Variants in VIT observed in about 807,000 individuals in gnomAD.
VIT encodes the protein vitrin.
In VIT, 99 loss-of-function variants were observed where a neutral mutation model predicts 78.0. The ratio of observed to expected loss-of-function variants is 1.27; its 90% CI spans 1.08 to 1.50. The LOEUF (loss-of-function observed/expected upper bound fraction) is 1.50. VIT is among the 40% of genes most tolerant of loss of function. VIT has a pLI of 0.00. For synonymous variants in VIT, 374 were observed against 334.3 expected (o/e 1.12, Z -1.29); for missense variants, 1,126 against 875.3 (o/e 1.29, Z -3.61).
At position 36,801,384 on chromosome 2, in the gene VIT, G is replaced by C. The variant is rs1188562303; in HGVS notation, c.1142G>C (p.Arg381Thr). 4 of 1,613,466 alleles carry C rather than the reference G, an allele frequency of 2.5e-6. No homozygotes were observed. Among genetic ancestry groups the C allele is most frequent in the South Asian group, 1.1e-5 (1 of 91,060 alleles). Reference sequence around the variant, plus strand: ...ACAGCCATAGAGAAAATTACTCAGAGAGGAGGACTTTCTAATGTAGGTATG... The same window carrying C: ...ACAGCCATAGAGAAAATTACTCAGACAGGAGGACTTTCTAATGTAGGTATG... ...LKTAIEKITQ[R>T]GGLSNVGRAI... The change falls in exon 13 of 16, where the codon AGA (arginine) becomes ACA (threonine). Residue 381 changes from arginine to threonine, a missense_variant. Coordinates refer to ENST00000379242, the MANE Select transcript of VIT (RefSeq NM_053276.4).
chr2:36,761,697 G>A (rs1019445877), intron 6 of VIT, among the ~76,000 whole-genome samples: 4 of 151,930 alleles, frequency 2.6e-5, no homozygotes, highest in Admixed American at 6.6e-5. Context: ...CCAAGATCAC[G>A]GCACTGCACT....
intron 9 of VIT, 141 bp from the exon 10 acceptor site, chr2:36,781,586 C>T: frequency 1.3e-6 from 1 of 769,826 alleles, no homozygotes; most frequent in Non-Finnish European, 2.1e-6. Flanking sequence ...CAGGTTGCTT[C>T]ATCCAAAATT....
chr2:36,786,136 A>G (rs933880192), intron 11 of VIT, among the ~76,000 whole-genome samples: 3 of 149,262 alleles, frequency 2.0e-5, no homozygotes, highest in African/African-American at 7.4e-5. Context: ...TCTCGGATAC[A>G]CCAGCCTAGA....
At chr2:36,736,859 A>C (rs1202843223) in intron 3 of VIT, among the ~76,000 whole-genome samples, 1 of 152,204 alleles carries the variant, frequency 6.6e-6, no homozygotes. Flanking sequence ...AATGCATTTA[A>C]TACCCTGAAA....
In VIT at chr2:36,728,821, AAAAAAAAAG is replaced by A. The variant is rs201033795; in HGVS notation, c.53-598_53-590del. 2.8e-4 allele frequency among the ~76,000 whole-genome samples: 7 copies of A among 25,114 alleles called. 2 individuals carry two copies. The highest frequency in any genetic ancestry group is 1.2e-3 in the Admixed American group (3 of 2,406). 16.5% of individuals were successfully genotyped at this position (25,114 alleles called of 152,430 possible). Reference sequence around the variant, plus strand: ...GAGCAAGACTCCGTCTCAAAAAAAAAAAAAAAAAGAAAAAAGAAAAAATATTTTTTATAA... The same window carrying A: ...GAGCAAGACTCCGTCTCAAAAAAAAAAAAAAAGAAAAAATATTTTTTATAA... On this transcript the variant is annotated intron_variant, in intron 2 of 15. Transcript: ENST00000379242.
intron 1 of VIT, among the ~76,000 whole-genome samples, chr2:36,700,310 C>A (rs1664971629): frequency 6.6e-6 from 1 of 152,144 alleles, no homozygotes; most frequent in African/African-American, 2.4e-5. Context: ...ATGTATCTCC[C>A]TGTGGTTTGC....
At chr2:36,778,544 G>C (rs972500744) in intron 9 of VIT, among the ~76,000 whole-genome samples, 5 of 152,200 alleles carry the variant, frequency 3.3e-5, no homozygotes, top group African/African-American at 1.2e-4. Context: ...AAGGCTGCCA[G>C]GTTTCCCAAA....
At chr2:36,746,642 A>G (rs1181059085) in intron 4 of VIT, among the ~76,000 whole-genome samples, 1 of 152,062 alleles carries the variant, frequency 6.6e-6, no homozygotes, top group Non-Finnish European at 1.5e-5. Flanking sequence ...GATTGGTTGC[A>G]ATGTCATCTT....
chr2:36,729,595 T>C (rs1299454327), intron 3 of VIT, 104 bp downstream of exon 3: 10 of 1,116,346 alleles, frequency 9.0e-6, no homozygotes, highest in Middle Eastern at 2.1e-4. Flanking sequence ...GGTTTTTATC[T>C]CTATGTCAAT....
chr2:36,768,172 C>T (rs1356842521), intron 7 of VIT, among the ~76,000 whole-genome samples: 1 of 152,194 alleles, frequency 6.6e-6, no homozygotes, highest in Non-Finnish European at 1.5e-5. Context: ...TGGCTCACGC[C>T]TGTAATCCCA....
At chr2:36,746,332 G>A (rs1420744172) in intron 4 of VIT, among the ~76,000 whole-genome samples, 1 of 152,102 alleles carries the variant, frequency 6.6e-6, no homozygotes, top group Non-Finnish European at 1.5e-5. Flanking sequence ...AAATGAGTTA[G>A]GGAGGATTCC....
rs532715279 is a variant in VIT at position 36,809,028 on chromosome 2, C to G, written c.1903+43C>G. ...AGCAGCCTGGTGCTGAGGCTGCTTT[C>G]TGGGGCTTGGTGGGCCAGTGGGACA... On this transcript the variant is annotated intron_variant, in intron 15 of 15. Coordinates refer to ENST00000379242, the MANE Select transcript of VIT (RefSeq NM_053276.4). 11 of 1,525,584 alleles carry G rather than the reference C, an allele frequency of 7.2e-6. No individual in the cohort carries two copies. In the South Asian group the frequency reaches 1.3e-4, roughly 18 times the overall value. 94.5% of individuals were successfully genotyped at this position (1,525,584 alleles called of 1,614,324 possible).
At chr2:36,814,049 T>C in intron 15 of VIT, 134 bp from the exon 16 acceptor site, 1 of 1,013,760 alleles carries the variant, frequency 9.9e-7, no homozygotes, top group Non-Finnish European at 1.4e-6. Flanking sequence ...CTGTAGCGTA[T>C]TTTTGGTTTT....
At chr2:36,774,455 G>A (rs918013945) in intron 8 of VIT, 12 of 965,922 alleles carry the variant, frequency 1.2e-5, no homozygotes, top group South Asian at 9.6e-5. Context: ...CTCACAGCCC[G>A]GTCTATGAGC....
chr2:36,739,026 T>C (rs1157371518), intron 3 of VIT, among the ~76,000 whole-genome samples: 1 of 152,214 alleles, frequency 6.6e-6, no homozygotes, highest in Non-Finnish European at 1.5e-5. Flanking sequence ...ATTAATGATA[T>C]TTTTATTTCA....
At chr2:36,717,414 CACCGTGTGAGACAGGGT>C (rs1666232808) in intron 2 of VIT, among the ~76,000 whole-genome samples, 4 of 45,680 alleles carry the variant, frequency 8.8e-5, no homozygotes, top group African/African-American at 1.6e-4. Context: ...GATGGGGTTT[CACCGTGTGAGACAGGGT>C]TTCACCGTGT....
intron 12 of VIT, among the ~76,000 whole-genome samples, chr2:36,793,436 G>C (rs149296867): frequency 6.6e-6 from 1 of 152,132 alleles, no homozygotes; most frequent in Non-Finnish European, 1.5e-5. Flanking sequence ...GAGCAGATTG[G>C]CCCAGGACGC....
chr2:36,700,105 A>G (rs1223235045), intron 1 of VIT, among the ~76,000 whole-genome samples: 2 of 152,216 alleles, frequency 1.3e-5, no homozygotes, highest in Non-Finnish European at 2.9e-5. Context: ...ACTTTTACAC[A>G]TTAACTCATC....
intron 8 of VIT, 114 bp from the exon 9 acceptor site, chr2:36,774,888 G>A (rs1048612146): frequency 4.4e-5 from 67 of 1,518,758 alleles, no homozygotes; most frequent in Admixed American, 1.2e-4. Flanking sequence ...CAGAGAGCTC[G>A]GCCGACTTCC....
Sources: gnomAD v4.1 joint callset for allele counts (sites outside exome capture counted in the v4.1 genomes callset) on GRCh38, gnomAD v4.1.1 for gene constraint, MANE v1.5 for transcripts, NCBI Gene and HGNC (gene_info 2026-07-23, HGNC 2026-07-21) for gene names.